The following PDGFC variants were observed in gnomAD, a reference collection of about 807,000 sequenced individuals.
PDGFC encodes platelet derived growth factor C.
In PDGFC, 12 loss-of-function variants were observed where a neutral mutation model predicts 35.5. The ratio of observed to expected loss-of-function variants is 0.34; its 90% CI spans 0.22 to 0.55. The LOEUF (loss-of-function observed/expected upper bound fraction) is 0.55, where lower values mean the gene tolerates loss of function less well. Among genes scored for constraint, PDGFC ranks in the 20% least tolerant of loss-of-function variants. PDGFC has a pLI of 0.91. For synonymous variants in PDGFC, 159 were observed against 148.8 expected (o/e 1.07, Z -0.50); for missense variants, 322 against 412.4 (o/e 0.78, Z 1.90).
intron 2 of PDGFC, among the ~76,000 whole-genome samples, chr4:156,825,593 TAAGAAG>T (rs60033232): frequency 0.024 from 1,500 of 62,066 alleles, 30 homozygotes; most frequent in Admixed American, 0.039. Context: ...ATAATAATAA[TAAGAAG>T]AAGAAGAAGA....
At chr4:156,862,038 A>ATTTCT (rs528098421) in intron 1 of PDGFC, among the ~76,000 whole-genome samples, 328 of 152,274 alleles carry the variant, frequency 2.2e-3, no homozygotes, top group African/African-American at 7.6e-3. Flanking sequence ...AGGCAGAATA[A>ATTTCT]GTTTCTTCTT....
At chr4:156,916,909 A>G (rs1731166957) in intron 1 of PDGFC, among the ~76,000 whole-genome samples, 1 of 152,202 alleles carries the variant, frequency 6.6e-6, no homozygotes, top group East Asian at 1.9e-4. Context: ...AAATCCCAGG[A>G]CACTCAAAAA....
At chr4:156,789,411 TA>T (rs1731226521) in intron 3 of PDGFC, among the ~76,000 whole-genome samples, 5 of 152,188 alleles carry the variant, frequency 3.3e-5, no homozygotes, top group Non-Finnish European at 5.9e-5. Context: ...TAGACTCAGC[TA>T]AACAAAAAAT....
intron 2 of PDGFC, among the ~76,000 whole-genome samples, chr4:156,845,718 T>C (rs1729310186): frequency 6.6e-6 from 1 of 151,950 alleles, no homozygotes; most frequent in Non-Finnish European, 1.5e-5. Context: ...TTGTGTCTGT[T>C]CTTTGAATTG....
intron 2 of PDGFC, among the ~76,000 whole-genome samples, chr4:156,823,867 T>C (rs1445609027): frequency 2.0e-5 from 3 of 152,134 alleles, no homozygotes; most frequent in Admixed American, 6.5e-5. Flanking sequence ...AAGGAAAGTG[T>C]AGTATATATA....
chr4:156,828,757 T>A (rs1728854790), intron 2 of PDGFC, among the ~76,000 whole-genome samples: 1 of 152,126 alleles, frequency 6.6e-6, no homozygotes, highest in South Asian at 2.1e-4. Context: ...CATTTATATA[T>A]TACTTCCTAA....
chr4:156,908,389 GTAAA>G (rs1379656002), intron 1 of PDGFC, among the ~76,000 whole-genome samples: 8 of 151,536 alleles, frequency 5.3e-5, no homozygotes, highest in Non-Finnish European at 1.2e-4. Context: ...GCTCATTTGT[GTAAA>G]TAAATAAATA....
chr4:156,893,341 T>TC (rs1474336724), intron 1 of PDGFC, among the ~76,000 whole-genome samples: 6 of 151,824 alleles, frequency 4.0e-5, no homozygotes, highest in Non-Finnish European at 8.8e-5. Flanking sequence ...AACTAGATTT[T>TC]TTTTTTTTTT....
chr4:156,891,314 A>C (rs1321101476), intron 1 of PDGFC, among the ~76,000 whole-genome samples: 2 of 125,332 alleles, frequency 1.6e-5, no homozygotes, highest in Non-Finnish European at 3.4e-5. Flanking sequence ...AAAAAAAAAA[A>C]AAAAAAAAAA....
At chr4:156,798,183 C>A (rs897598327) in intron 3 of PDGFC, among the ~76,000 whole-genome samples, 3 of 152,164 alleles carry the variant, frequency 2.0e-5, no homozygotes, top group Non-Finnish European at 4.4e-5. Context: ...CAGAGCGAGA[C>A]TCCGTCACAA....
intron 3 of PDGFC, among the ~76,000 whole-genome samples, chr4:156,792,660 T>G (rs1731328363): frequency 6.6e-6 from 1 of 152,160 alleles, no homozygotes; most frequent in African/African-American, 2.4e-5. Context: ...TAAAGGCCAA[T>G]TCCACGTAGT....
chr4:156,907,375 G>T (rs1730939018), intron 1 of PDGFC, among the ~76,000 whole-genome samples: 1 of 152,178 alleles, frequency 6.6e-6, no homozygotes, highest in Non-Finnish European at 1.5e-5. Flanking sequence ...TGCCAAAAAT[G>T]CAAACAAAAG....
At chr4:156,773,112 C>T (rs1029089003) in intron 3 of PDGFC, among the ~76,000 whole-genome samples, 1 of 152,088 alleles carries the variant, frequency 6.6e-6, no homozygotes, top group East Asian at 1.9e-4. Context: ...TTCATTACCA[C>T]CAACCGTGAG....
At chr4:156,774,936 C>T (rs1295174969) in intron 3 of PDGFC, among the ~76,000 whole-genome samples, 1 of 152,098 alleles carries the variant, frequency 6.6e-6, no homozygotes, top group Non-Finnish European at 1.5e-5. Context: ...CATATATATA[C>T]AGTACAATGG....
intron 1 of PDGFC, among the ~76,000 whole-genome samples, chr4:156,891,207 G>A (rs1730496549): frequency 7.5e-6 from 1 of 133,396 alleles, no homozygotes; most frequent in Non-Finnish European, 1.5e-5. Context: ...GTGAACCCGG[G>A]AGGCGGAGCT....
chr4:156,960,462 C>CGTGT (rs371589557), intron 1 of PDGFC, among the ~76,000 whole-genome samples: 1 of 150,310 alleles, frequency 6.7e-6, no homozygotes, highest in Non-Finnish European at 1.5e-5. Context: ...TACACACACA[C>CGTGT]GTGTGTGTGT....
intron 1 of PDGFC, among the ~76,000 whole-genome samples, chr4:156,964,151 T>C (rs1409007388): frequency 6.6e-6 from 1 of 151,950 alleles, no homozygotes; most frequent in Non-Finnish European, 1.5e-5. Flanking sequence ...ATCATTGAGA[T>C]GTACTGTTAA....
chr4:156,970,492 A>G (rs79111792), intron 1 of PDGFC, among the ~76,000 whole-genome samples: 5,500 of 152,220 alleles, frequency 0.036, 337 homozygotes, highest in African/African-American at 0.13. Context: ...TTCTAACTTT[A>G]GCAATGAGCG....
chr4:156,812,143 A>G (rs1731950450), intron 2 of PDGFC, among the ~76,000 whole-genome samples: 2 of 152,074 alleles, frequency 1.3e-5, no homozygotes, highest in Non-Finnish European at 2.9e-5. Flanking sequence ...AACTTAACCA[A>G]GAGTTACTCA....
Sources: allele counts gnomAD v4.1 joint callset (sites outside exome capture counted in the v4.1 genomes callset), GRCh38; gene constraint gnomAD v4.1.1; transcripts MANE v1.5; gene names NCBI Gene and HGNC (gene_info 2026-07-23, HGNC 2026-07-21).